SEMA3B: variants seen among roughly 807,000 people sequenced by gnomAD.
The protein encoded by SEMA3B is semaphorin 3B, also known as semaphorin-3B.
SEMA3B carries 71 observed loss-of-function variants against 77.8 expected under a neutral mutation model. The observed-to-expected ratio is 0.91, with a 90% confidence interval of 0.75 to 1.11. SEMA3B has a LOEUF of 1.11. SEMA3B is among the 50% of genes most tolerant of loss of function. SEMA3B has a pLI of 0.00. For missense variants in SEMA3B, 968 were observed against 1,056.8 expected (o/e 0.92, Z 1.17); for synonymous variants, 470 against 452.9 (o/e 1.04, Z -0.48).
Position 50,274,201 on chromosome 3 carries a change from C to A in SEMA3B, c.1137+144C>A. On this transcript the variant is annotated intron_variant, in intron 10 of 16. Transcript: ENST00000616701. This position sits in a 1 kb window ranked among gnomAD's most constrained non-coding sequence, Gnocchi z 4.7. ...TTCCATCATAAGACAAGGCTTGTTT[C>A]CCGCCTCTGACTTCCTAGGGCAAGG... 7.2e-7 allele frequency: 1 copy of A among 1,383,968 alleles called. No homozygotes were observed. Among genetic ancestry groups the A allele is most frequent in the African/African-American group, 1.5e-5 (1 of 68,554 alleles). 85.7% of individuals were successfully genotyped at this position (1,383,968 alleles called of 1,614,324 possible). A position where few individuals can be genotyped will look rare whatever the true frequency, so the allele number is the denominator to read the frequency against.
In SEMA3B at chr3:50,275,927, C is replaced by T; in HGVS notation, c.1845+83C>T. The T allele has an allele frequency of 6.8e-7, 1 of 1,469,294 alleles. No homozygotes were observed. The highest frequency in any genetic ancestry group is 2.3e-5 in the Admixed American group (1 of 42,594). The allele number at this position is 1,469,294 out of a possible 1,614,324, so 91.0% of individuals were successfully genotyped here. A position where few individuals can be genotyped will look rare whatever the true frequency, so the allele number is the denominator to read the frequency against. On this transcript the variant is annotated intron_variant, in intron 16 of 16. Coordinates refer to ENST00000616701, the MANE Select transcript of SEMA3B (RefSeq NM_001290060.2). This position sits in a 1 kb window ranked among gnomAD's most constrained non-coding sequence, Gnocchi z 7.5. Reference sequence around the variant, plus strand: ...AGGCCCCGCCCTACCCAACGAAGCCCCGTCCAACCAGACCCACTCCCCGCC... The same window carrying T: ...AGGCCCCGCCCTACCCAACGAAGCCTCGTCCAACCAGACCCACTCCCCGCC...
Position 50,275,567 on chromosome 3 carries a change from C to A in SEMA3B, c.1657C>A (p.Arg553=), listed in dbSNP as rs782045906. The part of the protein sequence containing the change: ...RFQPSAKRRF[R]RQDVRNGDPS... ...ATCGGATGTTCCCCACAGGCGGTTCCGGCGGCAAGACGTAAGGAATGGCGA... is the reference window on the plus strand; with the variant it reads ...ATCGGATGTTCCCCACAGGCGGTTCAGGCGGCAAGACGTAAGGAATGGCGA... The change falls in exon 15 of 17, where the codon CGG becomes AGG. Residue 553 remains arginine, a synonymous_variant. Coordinates refer to ENST00000616701, the MANE Select transcript of SEMA3B (RefSeq NM_001290060.2). The surrounding 1 kb of genome is among the most constrained non-coding windows in gnomAD (Gnocchi z 7.5). 2.4e-5 allele frequency: 38 copies of A among 1,613,540 alleles called. No individual in the cohort carries two copies. Among genetic ancestry groups the A allele is most frequent in the Admixed American group, 3.3e-5 (2 of 60,010 alleles).
Position 50,275,995 on chromosome 3 carries a change from G to C in SEMA3B, c.1845+151G>C, listed in dbSNP as rs587731593. Reference sequence around the variant, plus strand: ...TCACCTGCACTCCACAAGCTGCTGAGGCCCCATTGCGTCCAACGGGGCTCC... The same window carrying C: ...TCACCTGCACTCCACAAGCTGCTGACGCCCCATTGCGTCCAACGGGGCTCC... On this transcript the variant is annotated intron_variant, in intron 16 of 16. Coordinates refer to ENST00000616701, the MANE Select transcript of SEMA3B (RefSeq NM_001290060.2). The surrounding 1 kb of genome is among the most constrained non-coding windows in gnomAD (Gnocchi z 7.5). 2 of 1,115,012 alleles carry C rather than the reference G, an allele frequency of 1.8e-6. No individual in the cohort carries two copies. Among genetic ancestry groups the C allele is most frequent in the African/African-American group, 1.6e-5 (1 of 63,328 alleles). 69.1% of individuals were successfully genotyped at this position (1,115,012 alleles called of 1,614,324 possible).
At position 50,275,028 on chromosome 3, in the gene SEMA3B, C is replaced by T; in HGVS notation, c.1466C>T (p.Thr489Ile). 2.5e-6 allele frequency: 4 copies of T among 1,592,314 alleles called. No homozygotes were observed. Among genetic ancestry groups the T allele is most frequent in the Non-Finnish European group, 3.4e-6 (4 of 1,165,796 alleles). The part of the protein sequence containing the change: ...LHVFEDSAAV[T>I]SMQISSKRHQ... ...CCCTCTCAGGACTCGGCCGCTGTCA[C>T]CAGCATGCAAATTTCTTCCAAGAGG... The change falls in exon 13 of 17, where the codon ACC becomes ATC. Residue 489 changes from threonine to isoleucine, a missense_variant. Transcript: ENST00000616701. This position sits in a 1 kb window ranked among gnomAD's most constrained non-coding sequence, Gnocchi z 7.5.
rs1215685539 is a variant in SEMA3B at position 50,276,218 on chromosome 3, CTT to C, written c.1846-82_1846-81del. On this transcript the variant is annotated intron_variant, in intron 16 of 16. Coordinates refer to ENST00000616701, the MANE Select transcript of SEMA3B (RefSeq NM_001290060.2). This position sits in a 1 kb window ranked among gnomAD's most constrained non-coding sequence, Gnocchi z 5.8. ...CGCTCCACCTCGGCTCCCAATGACT[CTT>C]TGCTTCTTCCGTCGCGTGCTAGGGC... 3.0e-5 allele frequency: 43 copies of C among 1,420,648 alleles called. 1 individual carries two copies. Among genetic ancestry groups the C allele is most frequent in the Admixed American group, 1.1e-4 (4 of 34,790 alleles). 88.0% of individuals were successfully genotyped at this position (1,420,648 alleles called of 1,614,324 possible).
At position 50,275,377 on chromosome 3, in the gene SEMA3B, T is replaced by C; in HGVS notation, c.1567T>C (p.Cys523Arg). Reference sequence around the variant, plus strand: ...CCGCTGCGCTGCCCACGGCCGCGTCTGCACCGAATGCTGTCTGGCGCGTGA... The same window carrying C: ...CCGCTGCGCTGCCCACGGCCGCGTCCGCACCGAATGCTGTCTGGCGCGTGA... Reference protein sequence around the residue: ...LHRCAAHGRVCTECCLARDPY... With the variant: ...LHRCAAHGRVRTECCLARDPY... Residue 523 changes from cysteine (C) to arginine (R), a missense_variant, in exon 14 of 17, where the codon TGC becomes CGC. Transcript: ENST00000616701. The surrounding 1 kb of genome is among the most constrained non-coding windows in gnomAD (Gnocchi z 7.5). 6.3e-7 allele frequency: 1 copy of C among 1,588,746 alleles called. No homozygotes were observed. Among genetic ancestry groups the C allele is most frequent in the Non-Finnish European group, 8.6e-7 (1 of 1,168,702 alleles).
In SEMA3B at chr3:50,269,319, A is replaced by C; in HGVS notation, c.79A>C (p.Ser27Arg). The part of the protein sequence containing the change: ...WAVGLGSAAP[S>R]PPRLRLSFQE... Reference sequence around the variant, plus strand: ...AGTGGGGCTGGGGAGTGCCGCCCCCAGCCCCCCACGCCTTCGGCTCTCCTT... The same window carrying C: ...AGTGGGGCTGGGGAGTGCCGCCCCCCGCCCCCCACGCCTTCGGCTCTCCTT... The change falls in exon 1 of 17, where the codon AGC becomes CGC. Residue 27 changes from serine (S) to arginine (R), a missense_variant. Ser to Arg is a moderately radical substitution (Grantham distance 110). Transcript: ENST00000616701. This position sits in a 1 kb window ranked among gnomAD's most constrained non-coding sequence, Gnocchi z 4.0. 1 of 1,523,656 alleles carries C rather than the reference A, an allele frequency of 6.6e-7. No homozygotes were observed. 94.4% of individuals were successfully genotyped at this position (1,523,656 alleles called of 1,614,324 possible).
At position 50,273,288 on chromosome 3, in the gene SEMA3B, C is replaced by T. The variant is rs1553705710; in HGVS notation, c.665-10C>T. The T allele has an allele frequency of 6.2e-7, 1 of 1,611,674 alleles. No individual in the cohort carries two copies. The highest frequency in any genetic ancestry group is 8.5e-7 in the Non-Finnish European group (1 of 1,178,766). ...AGGACCCGCTGACCCATGCCTCCTG[C>T]CGCGGTCAGAGCCCAAGTTTGTCAA... is the stretch of plus-strand genomic sequence containing the variant. On this transcript the variant is annotated splice_polypyrimidine_tract_variant and intron_variant, in intron 6 of 16. Coordinates refer to ENST00000616701, the MANE Select transcript of SEMA3B (RefSeq NM_001290060.2). This position sits in a 1 kb window ranked among gnomAD's most constrained non-coding sequence, Gnocchi z 6.5.
upstream of SEMA3B, among the ~76,000 whole-genome samples, chr3:50,265,937 C>T (rs1196516620): frequency 6.6e-6 from 1 of 152,204 alleles, no homozygotes; most frequent in Non-Finnish European, 1.5e-5. Context: ...GGACAGAGGA[C>T]AGGGCACAGC....
chr3:50,265,255 C>T (rs587695334), upstream of SEMA3B, among the ~76,000 whole-genome samples: 5 of 152,310 alleles, frequency 3.3e-5, no homozygotes, highest in African/African-American at 9.6e-5. Context: ...GGCAGCATGA[C>T]CTGGTACCTA....
At chr3:50,261,888 G>A in the SEMA3B span, 1 of 152,278 alleles carries the variant, frequency 6.6e-6, no homozygotes, top group Non-Finnish European at 1.5e-5. Flanking sequence ...GCAACCCTAG[G>A]AGTCAGGGAG....
Position 50,269,422 on chromosome 3 carries a change from T to C in SEMA3B, c.109+73T>C. 5 of 927,040 alleles carry C rather than the reference T, an allele frequency of 5.4e-6. No homozygotes were observed. Among genetic ancestry groups the C allele is most frequent in the South Asian group, 1.7e-5 (1 of 57,544 alleles). The allele number at this position is 927,040 out of a possible 1,614,324, so 57.4% of individuals were successfully genotyped here. On this transcript the variant is annotated intron_variant, in intron 1 of 16. Coordinates refer to ENST00000616701, the MANE Select transcript of SEMA3B (RefSeq NM_001290060.2). The surrounding 1 kb of genome is among the most constrained non-coding windows in gnomAD (Gnocchi z 4.0). ...AAGGGTCCCCGTATGGCCAGGGGGC[T>C]CTGTGTTGGCTGTTGCCCCATGTGC...
chr3:50,275,024 G>A lies in SEMA3B; in HGVS notation c.1462G>A (p.Val488Ile). 6.3e-7 allele frequency: 1 copy of A among 1,593,348 alleles called. No homozygotes were observed. Among genetic ancestry groups the A allele is most frequent in the Middle Eastern group, 1.7e-4 (1 of 5,774 alleles). The change falls in exon 13 of 17, where the codon GTC (valine) becomes ATC (isoleucine). Residue 488 changes from valine to isoleucine, a missense_variant. Coordinates refer to ENST00000616701, the MANE Select transcript of SEMA3B (RefSeq NM_001290060.2). The surrounding 1 kb of genome is among the most constrained non-coding windows in gnomAD (Gnocchi z 7.5). ...TCCTCCCTCTCAGGACTCGGCCGCT[G>A]TCACCAGCATGCAAATTTCTTCCAA... ...ELHVFEDSAA[V>I]TSMQISSKRH... is the part of the protein sequence containing the mutation.
Position 50,274,862 on chromosome 3 carries a change from G to A in SEMA3B, c.1377G>A (p.Lys459=). 6.2e-7 allele frequency: 1 copy of A among 1,611,186 alleles called. No individual in the cohort carries two copies. Among genetic ancestry groups the A allele is most frequent in the South Asian group, 1.1e-5 (1 of 90,878 alleles). Residue 459 remains lysine (K), a synonymous_variant, in exon 12 of 17, where the codon AAG becomes AAA. Coordinates refer to ENST00000616701, the MANE Select transcript of SEMA3B (RefSeq NM_001290060.2). This position sits in a 1 kb window ranked among gnomAD's most constrained non-coding sequence, Gnocchi z 4.7. ...FIGTDVGTVL[K]VISVPKGSRP... ...CTGCAGACGTTGGCACGGTGCTGAA[G>A]GTGATCTCGGTCCCCAAGGGCAGTA...
At position 50,270,799 on chromosome 3, in the gene SEMA3B, G is replaced by T; in HGVS notation, c.331-91G>T. The T allele has an allele frequency of 6.5e-7, 1 of 1,528,616 alleles. No homozygotes were observed. The allele number at this position is 1,528,616 out of a possible 1,614,324, so 94.7% of individuals were successfully genotyped here. On this transcript the variant is annotated intron_variant, in intron 3 of 16. Transcript: ENST00000616701. The surrounding 1 kb of genome is among the most constrained non-coding windows in gnomAD (Gnocchi z 4.7). ...GTTAGTACTTGCCTGGGCTGATGCC[G>T]AAGAGAGGGAGGGGTGAGGATGCCA... is the stretch of plus-strand genomic sequence containing the variant.
At position 50,276,311 on chromosome 3, in the gene SEMA3B, G is replaced by A. The variant is rs945202899; in HGVS notation, c.1855G>A (p.Glu619Lys). 7 of 1,515,600 alleles carry A rather than the reference G, an allele frequency of 4.6e-6. No homozygotes were observed. In the Admixed American group the frequency reaches 1.4e-4, roughly 31 times the overall value. 93.9% of individuals were successfully genotyped at this position (1,515,600 alleles called of 1,614,324 possible). A position where few individuals can be genotyped will look rare whatever the true frequency, so the allele number is the denominator to read the frequency against. Residue 619 changes from glutamate (E) to lysine (K), a missense_variant, in exon 17 of 17, where the codon GAG becomes AAG. Coordinates refer to ENST00000616701, the MANE Select transcript of SEMA3B (RefSeq NM_001290060.2). The surrounding 1 kb of genome is among the most constrained non-coding windows in gnomAD (Gnocchi z 5.8). ...TGCCCTCTGCCCGCAGGTGCTGGCA[G>A]AGGAGCGCACCGAGCGCACCGCCCG... The part of the protein sequence containing the change: ...GVTAHTQVLA[E>K]ERTERTARGL...
Position 50,271,148 on chromosome 3 carries a change from G to T in SEMA3B, c.511G>T (p.Asp171Tyr). 1 of 1,584,030 alleles carries T rather than the reference G, an allele frequency of 6.3e-7. No individual in the cohort carries two copies. Among genetic ancestry groups the T allele is most frequent in the Non-Finnish European group, 8.6e-7 (1 of 1,165,302 alleles). ...IEDGKGKSPY[D>Y]PRHRAASVLV... ...GGATGGCAAGGGGAAGAGTCCTTAT[G>T]ACCCCAGGCATCGGGCTGCCTCCGT... Residue 171 changes from aspartate (D) to tyrosine (Y), a missense_variant, in exon 5 of 17, where the codon GAC (aspartate) becomes TAC (tyrosine). Physicochemically the swap from Asp to Tyr is radical, Grantham distance 160 (BLOSUM62 -3). Coordinates refer to ENST00000616701, the MANE Select transcript of SEMA3B (RefSeq NM_001290060.2).
Position 50,276,833 on chromosome 3 carries a change from C to G in SEMA3B, c.*127C>G, listed in dbSNP as rs1317260495. Reference sequence around the variant, plus strand: ...GGTCACCGGCCGATGGAGACACCAACCGACAGGCCCTGGCTGAGGGCAGCT... The same window carrying G: ...GGTCACCGGCCGATGGAGACACCAAGCGACAGGCCCTGGCTGAGGGCAGCT... On this transcript the variant is annotated 3_prime_UTR_variant, in exon 17 of 17. Transcript: ENST00000616701. This position sits in a 1 kb window ranked among gnomAD's most constrained non-coding sequence, Gnocchi z 5.8. 1.9e-5 allele frequency: 22 copies of G among 1,142,514 alleles called. No homozygotes were observed. The East Asian group carries it at 6.7e-4, about 35-fold the overall frequency. 70.8% of individuals were successfully genotyped at this position (1,142,514 alleles called of 1,614,324 possible).
rs1553706451 is a variant in SEMA3B, at chr3:50,275,615, G to A, written c.1705G>A (p.Asp569Asn). The change falls in exon 15 of 17, where the codon GAC becomes AAC. Residue 569 changes from aspartate (D) to asparagine (N), a missense_variant and splice_region_variant. Physicochemically the swap from Asp to Asn is conservative, Grantham distance 23. Coordinates refer to ENST00000616701, the MANE Select transcript of SEMA3B (RefSeq NM_001290060.2). The surrounding 1 kb of genome is among the most constrained non-coding windows in gnomAD (Gnocchi z 7.5). ...CGACCCCAGCACGTTGTGCTCCGGAGGTGAGTGCCCCAGCTGCCCCTACCC... is the reference window on the plus strand; with the variant it reads ...CGACCCCAGCACGTTGTGCTCCGGAAGTGAGTGCCCCAGCTGCCCCTACCC... ...NGDPSTLCSG[D>N]SSRPALLEHK... 1.9e-6 allele frequency: 3 copies of A among 1,613,722 alleles called. No homozygotes were observed. The highest frequency in any genetic ancestry group is 2.2e-5 in the East Asian group (1 of 44,884).
Sources: allele counts gnomAD v4.1 joint callset (sites outside exome capture counted in the v4.1 genomes callset), GRCh38; gene constraint gnomAD v4.1.1; non-coding constraint Gnocchi (gnomAD v3.1); transcripts MANE v1.5; gene names NCBI Gene and HGNC (gene_info 2026-07-23, HGNC 2026-07-21).